Variants in KDM2B observed in about 807,000 individuals in gnomAD.
KDM2B encodes lysine demethylase 2B.
A neutral mutation model predicts 150.0 loss-of-function variants in KDM2B; 26 were observed. That is an observed-to-expected ratio of 0.17 (90% CI 0.13 to 0.24). The LOEUF (loss-of-function observed/expected upper bound fraction) is 0.24. Among genes scored for constraint, KDM2B ranks in the 10% least tolerant of loss-of-function variants. The pLI is 1.00. For missense variants in KDM2B, 1,265 were observed against 1,816.9 expected (o/e 0.70, Z 5.52); for synonymous variants, 734 against 729.5 (o/e 1.01, Z -0.10).
At chr12:121,522,531 G>C (rs1382147598) in intron 8 of KDM2B, among the ~76,000 whole-genome samples, 1 of 135,678 alleles carries the variant, frequency 7.4e-6, no homozygotes, top group African/African-American at 2.8e-5. Flanking sequence ...AAAAAAAAAA[G>C]TATATACTAT....
intron 6 of KDM2B, among the ~76,000 whole-genome samples, chr12:121,541,502 G>A (rs1259801831): frequency 6.7e-6 from 1 of 149,304 alleles, no homozygotes; most frequent in Admixed American, 6.7e-5. Flanking sequence ...AGATAAAAGA[G>A]AAAAAAAAAG....
In KDM2B at chr12:121,442,719, C is replaced by T. The variant is rs895569064; in HGVS notation, c.2722G>A (p.Asp908Asn). The change falls in exon 19 of 23, where the codon GAC becomes AAC. Residue 908 changes from aspartate (D) to asparagine (N), a missense_variant. By Grantham distance (23) the Asp-to-Asn change is conservative. This residue lies in a region of KDM2B where 418 missense variants were observed against 402.4 expected (regional missense o/e 1.04). Transcript: ENST00000377071. The surrounding 1 kb of genome is among the most constrained non-coding windows in gnomAD (Gnocchi z 7.7). Reference protein sequence around the residue: ...PEAPPKTRESDHSRSSSPTAG... With the variant: ...PEAPPKTRESNHSRSSSPTAG... The stretch of plus-strand genomic sequence containing the variant: ...GTGGGGGAGCTGGAGCGGGAGTGGT[C>T]GCTCTCCCTGGTCTTGGGGGGCGCC... 10 of 1,569,966 alleles carry T rather than the reference C, an allele frequency of 6.4e-6. No homozygotes were observed. Among genetic ancestry groups the T allele is most frequent in the African/African-American group, 2.7e-5 (2 of 72,986 alleles).
At chr12:121,568,960 G>A (rs1426325994) in intron 4 of KDM2B, among the ~76,000 whole-genome samples, 4 of 151,566 alleles carry the variant, frequency 2.6e-5, no homozygotes, top group African/African-American at 9.7e-5. Context: ...CTGCAGCCCC[G>A]AGTTGTGTCC....
At chr12:121,457,739 T>TACACACACAC (rs138823282) in intron 12 of KDM2B, among the ~76,000 whole-genome samples, 74 of 145,096 alleles carry the variant, frequency 5.1e-4, no homozygotes, top group South Asian at 8.8e-4. Context: ...ATCGGAAACA[T>TACACACACAC]ACACACACAC....
intron 6 of KDM2B, among the ~76,000 whole-genome samples, chr12:121,545,271 C>T (rs528252490): frequency 2.0e-5 from 3 of 152,162 alleles, no homozygotes; most frequent in Non-Finnish European, 4.4e-5. Context: ...TTCGAATCCT[C>T]TAACCAGTTC....
chr12:121,564,573 A>C (rs544942527), intron 4 of KDM2B, among the ~76,000 whole-genome samples: 3 of 152,312 alleles, frequency 2.0e-5, no homozygotes, highest in South Asian at 4.1e-4. Flanking sequence ...AACAAACCCC[A>C]AAAATCAAAT....
rs898828270 is a variant in KDM2B at position 121,575,416 on chromosome 12, G to C, written c.350+365C>G. Among the ~76,000 whole-genome samples, 4 of 152,248 alleles carry C rather than the reference G, an allele frequency of 2.6e-5. No homozygotes were observed. Among genetic ancestry groups the C allele is most frequent in the Non-Finnish European group, 5.9e-5 (4 of 68,046 alleles). On this transcript the variant is annotated intron_variant, in intron 3 of 22. Transcript: ENST00000377071. The surrounding 1 kb of genome is among the most constrained non-coding windows in gnomAD (Gnocchi z 4.4). ...TAGGTGCCCTGGGTCTGGGCTTAGAGGCTGGCTAGTCTCTTTGCAGCTCAG... is the reference window on the plus strand; with the variant it reads ...TAGGTGCCCTGGGTCTGGGCTTAGACGCTGGCTAGTCTCTTTGCAGCTCAG...
Position 121,444,007 on chromosome 12 carries a change from C to T in KDM2B, c.2451+5G>A, listed in dbSNP as rs782646038. The T allele has an allele frequency of 2.6e-5, 42 of 1,601,614 alleles. No homozygotes were observed. Among genetic ancestry groups the T allele is most frequent in the Middle Eastern group, 1.7e-4 (1 of 6,002 alleles). On this transcript the variant is annotated splice_donor_5th_base_variant and intron_variant, in intron 16 of 22. Transcript: ENST00000377071. Reference sequence around the variant, plus strand: ...CTTTGCCTCCCAGCCCCTCCTGGTCCGTACCCGCTTGCGTCCACTCAGCTC... The same window carrying T: ...CTTTGCCTCCCAGCCCCTCCTGGTCTGTACCCGCTTGCGTCCACTCAGCTC...
chr12:121,444,634 C>A, intron 14 of KDM2B, 98 bp from the exon 15 acceptor site: 1 of 968,584 alleles, frequency 1.0e-6, no homozygotes, highest in South Asian at 1.3e-5. Context: ...GCAGCAGCAC[C>A]CCCTCCCCAA....
At chr12:121,544,637 G>T (rs1490985000) in intron 6 of KDM2B, among the ~76,000 whole-genome samples, 1 of 151,040 alleles carries the variant, frequency 6.6e-6, no homozygotes, top group Non-Finnish European at 1.5e-5. Context: ...AATCAGCCAG[G>T]TGTGGTGGCT....
chr12:121,579,745 G>A, intron 1 of KDM2B: 4 of 1,437,632 alleles, frequency 2.8e-6, no homozygotes, highest in South Asian at 2.5e-5. Flanking sequence ...CCAGATTCCG[G>A]GCGAACCCCG....
In KDM2B at chr12:121,575,584, G is replaced by A. The variant is rs1891445675; in HGVS notation, c.350+197C>T. 6.6e-6 allele frequency among the ~76,000 whole-genome samples: 1 copy of A among 152,240 alleles called. No homozygotes were observed. Among genetic ancestry groups the A allele is most frequent in the Non-Finnish European group, 1.5e-5 (1 of 68,038 alleles). ...ACCCTATGTCCTCTCTCTGCCCAAA[G>A]TCCCTGCAAAAGACCAGTCTTTGGA... On this transcript the variant is annotated intron_variant, in intron 3 of 22. Transcript: ENST00000377071. This position sits in a 1 kb window ranked among gnomAD's most constrained non-coding sequence, Gnocchi z 4.4.
At position 121,442,664 on chromosome 12, in the gene KDM2B, C is replaced by G; in HGVS notation, c.2777G>C (p.Gly926Ala). Residue 926 changes from glycine (G) to alanine (A), a missense_variant, in exon 19 of 23, where the codon GGC (glycine) becomes GCC (alanine). Physicochemically the swap from Gly to Ala is moderately conservative, Grantham distance 60. This residue lies in a region of KDM2B where 418 missense variants were observed against 402.4 expected (regional missense o/e 1.04). Coordinates refer to ENST00000377071, the MANE Select transcript of KDM2B (RefSeq NM_032590.5). This position sits in a 1 kb window ranked among gnomAD's most constrained non-coding sequence, Gnocchi z 7.7. ...TAGPSTEGAEGPEEKKKVKMR... is the reference protein window; with the variant it reads ...TAGPSTEGAEAPEEKKKVKMR... ...CTTCACCTTCTTCTTCTCCTCCGGG[C>G]CCTCGGCCCCTTCGGTGCTGGGTCC... 3.1e-6 allele frequency: 5 copies of G among 1,605,504 alleles called. No individual in the cohort carries two copies. The highest frequency in any genetic ancestry group is 4.2e-6 in the Non-Finnish European group (5 of 1,177,590).
intron 4 of KDM2B, among the ~76,000 whole-genome samples, chr12:121,561,058 C>T (rs113947289): frequency 6.6e-6 from 1 of 152,216 alleles, no homozygotes; most frequent in South Asian, 2.1e-4. Flanking sequence ...CCCACCCACC[C>T]CAGGATCATC....
intron 6 of KDM2B, among the ~76,000 whole-genome samples, chr12:121,547,645 CTTTTTTTTTTTTT>C (rs55686141): frequency 7.5e-5 from 6 of 80,268 alleles, no homozygotes; most frequent in African/African-American, 2.5e-4. Context: ...CTTCCCCTTC[CTTTTTTTTTTTTT>C]TTTTTTTTTG....
At chr12:121,443,859 G>T in intron 16 of KDM2B, 66 bp from the exon 17 acceptor site, 3 of 1,385,406 alleles carry the variant, frequency 2.2e-6, no homozygotes, top group Non-Finnish European at 3.0e-6. Flanking sequence ...TTGGGGCAGG[G>T]CTCTCAGGAC....
rs1555291851 is a variant in KDM2B at position 121,452,610 on chromosome 12, T to A, written c.1959+510A>T. Among the ~76,000 whole-genome samples, 3 of 152,240 alleles carry A rather than the reference T, an allele frequency of 2.0e-5. No individual in the cohort carries two copies. Among genetic ancestry groups the A allele is most frequent in the African/African-American group, 7.2e-5 (3 of 41,462 alleles). The stretch of plus-strand genomic sequence containing the variant: ...ACCTCGCCCCGTTGCGAAGTCCATG[T>A]CCACTGCCCTGTCTGGGGACGAGAC... On this transcript the variant is annotated intron_variant, in intron 13 of 22. Coordinates refer to ENST00000377071, the MANE Select transcript of KDM2B (RefSeq NM_032590.5). The surrounding 1 kb of genome is among the most constrained non-coding windows in gnomAD (Gnocchi z 4.4).
chr12:121,471,356 A>G (rs1555295895), intron 12 of KDM2B, among the ~76,000 whole-genome samples: 1 of 152,118 alleles, frequency 6.6e-6, no homozygotes. Flanking sequence ...ATAAACAAAA[A>G]CAGATGGAAG....
chr12:121,500,794 TTGTGTCCCAAAAAATA>T (rs1884467294), intron 11 of KDM2B, among the ~76,000 whole-genome samples: 1 of 152,166 alleles, frequency 6.6e-6, no homozygotes, highest in Non-Finnish European at 1.5e-5. Context: ...GTAGCTTGAA[TTGTGTCCCAAAAAATA>T]TGTGTTCAGG....
Sources: gnomAD v4.1 joint callset for allele counts (sites outside exome capture counted in the v4.1 genomes callset) on GRCh38, gnomAD v4.1.1 for gene constraint, gnomAD v4.1.1 regional missense constraint, Gnocchi (gnomAD v3.1) non-coding constraint, MANE v1.5 for transcripts, NCBI Gene and HGNC (gene_info 2026-07-23, HGNC 2026-07-21) for gene names.